Variants in MTR observed in about 807,000 individuals in gnomAD.
MTR encodes methionine synthase.
In MTR, 84 loss-of-function variants were observed where a neutral mutation model predicts 154.8. The ratio of observed to expected loss-of-function variants is 0.54; its 90% confidence interval spans 0.45 to 0.65. The LOEUF is 0.65. MTR is among the 30% of genes least tolerant of loss of function. The probability of loss-of-function intolerance (pLI) is 0.00; values close to 1 mark genes in which losing one functional copy is unlikely to be tolerated. For synonymous variants in MTR, 554 were observed against 553.9 expected, an observed-to-expected ratio of 1.00 and a Z score of 0.00; for missense variants, 1,275 against 1,570.2, an observed-to-expected ratio of 0.81 and a Z score of 3.18.
At chr1:236,897,308 A>ATGCGCGCGCGCGCACGCGCGCG (rs57608445) in intron 32 of MTR, among the ~76,000 whole-genome samples, 190 bp downstream of exon 32, 5 of 131,452 alleles carry the variant, frequency 3.8e-5, no homozygotes, top group African/African-American at 1.5e-4. Context: ...AGCCACACAC[A>ATGCGCGCGCGCGCACGCGCGCG]CGCACACACA....
chr1:236,828,337 T>C (rs1662418289), intron 11 of MTR, among the ~76,000 whole-genome samples: 1 of 152,360 alleles, frequency 6.6e-6, no homozygotes, highest in Admixed American at 6.5e-5. Flanking sequence ...TAGTTAAATA[T>C]TGCTTATCTT....
At chr1:236,882,891 G>C (rs1665827481) in intron 25 of MTR, among the ~76,000 whole-genome samples, 1 of 152,234 alleles carries the variant, frequency 6.6e-6, no homozygotes, top group African/African-American at 2.4e-5. Context: ...GTGGGTAACT[G>C]CTGGTGACAC....
chr1:236,897,310 G>GCGCGCGCGCGCGCGCGCACACACACA lies in MTR; in HGVS notation c.3711+193_3711+194insGCGCGCGCGCGCGCGCACACACACAC. Among the ~76,000 whole-genome samples the GCGCGCGCGCGCGCGCGCACACACACA allele has an allele frequency of 2.7e-3, 343 of 128,650 alleles. 1 individual carries two copies. Among genetic ancestry groups the GCGCGCGCGCGCGCGCGCACACACACA allele is most frequent in the Non-Finnish European group, 4.4e-3 (254 of 58,130 alleles). 84.4% of individuals were successfully genotyped at this position (128,650 alleles called of 152,430 possible). A position where few individuals can be genotyped will look rare whatever the true frequency, so the allele number is the denominator to read the frequency against. On this transcript the variant is annotated intron_variant, in intron 32 of 32. Coordinates refer to ENST00000366577, the MANE Select transcript of MTR (RefSeq NM_000254.3). ...ACTTCTACATGCAAGCCACACACACGCACACACACACACACACACACACAC... is the reference window on the plus strand; with the variant it reads ...ACTTCTACATGCAAGCCACACACACGCGCGCGCGCGCGCGCGCACACACACACACACACACACACACACACACACAC...
intron 11 of MTR, 48 bp from the exon 12 acceptor site, chr1:236,829,141 A>T (rs1662463814): frequency 7.2e-7 from 1 of 1,386,986 alleles, no homozygotes; most frequent in Non-Finnish European, 1.0e-6. Context: ...TTCATTAAAT[A>T]TATTTTATTC....
rs569226850 is a variant in MTR at position 236,832,849 on chromosome 1, T to C, written c.1188+771T>C. ...CATGGACCTGTTCATTATTACCTGATGGCATCCCTGGAGGCGTGTCTTCCT... is the reference window on the plus strand; with the variant it reads ...CATGGACCTGTTCATTATTACCTGACGGCATCCCTGGAGGCGTGTCTTCCT... On this transcript the variant is annotated intron_variant, in intron 13 of 32. Coordinates refer to ENST00000366577, the MANE Select transcript of MTR (RefSeq NM_000254.3). Among the ~76,000 whole-genome samples, 10 of 152,340 alleles carry C rather than the reference T, an allele frequency of 6.6e-5. 1 individual carries two copies. In the South Asian group the frequency reaches 2.1e-3, roughly 32 times the overall value.
intron 32 of MTR, 86 bp downstream of exon 32, chr1:236,897,204 A>C: frequency 9.5e-7 from 1 of 1,051,420 alleles, no homozygotes; most frequent in Non-Finnish European, 1.5e-6. Flanking sequence ...AATGAGAATA[A>C]AGTGAGGGGA....
At chr1:236,826,966 T>C in intron 11 of MTR, 70 bp downstream of exon 11, 1 of 1,391,130 alleles carries the variant, frequency 7.2e-7, no homozygotes, top group Non-Finnish European at 1.0e-6. Flanking sequence ...AATATGTACT[T>C]TTTGTTATGG....
rs1666298629 is a variant in MTR at position 236,891,189 on chromosome 1, A to T, written c.3064A>T (p.Ser1022Cys). The change falls in exon 29 of 33, where the codon AGT becomes TGT. Residue 1022 changes from serine to cysteine, a missense_variant. Coordinates refer to ENST00000366577, the MANE Select transcript of MTR (RefSeq NM_000254.3). ...CCACAATATGCTGAACACACTGATT[A>T]GTCAAAAGAAACTCCGGGCCCGGGG... The part of the protein sequence containing the change: ...DAHNMLNTLI[S>C]QKKLRARGVV... 1.2e-6 allele frequency: 2 copies of T among 1,614,106 alleles called. No individual in the cohort carries two copies. The highest frequency in any genetic ancestry group is 3.3e-5 in the Admixed American group (2 of 60,012).
intron 2 of MTR, among the ~76,000 whole-genome samples, chr1:236,804,796 G>A (rs954972121): frequency 6.6e-6 from 1 of 151,836 alleles, no homozygotes; most frequent in Non-Finnish European, 1.5e-5. Context: ...CCTTTGTTAG[G>A]CATTTTCATA....
At chr1:236,844,549 G>GGA (rs1175328128) in intron 15 of MTR, among the ~76,000 whole-genome samples, 2 of 151,214 alleles carry the variant, frequency 1.3e-5, no homozygotes, top group Admixed American at 6.6e-5. Flanking sequence ...GAATGATCTG[G>GGA]GAGAGAGAGG....
At chr1:236,816,577 T>A (rs745712705) in intron 8 of MTR, 34 bp downstream of exon 8, 14 of 1,581,158 alleles carry the variant, frequency 8.9e-6, no homozygotes, top group Non-Finnish European at 1.2e-5. Flanking sequence ...CTTCTTTTCT[T>A]TTTTGGGGAA....
chr1:236,846,869 TG>T (rs1336385138), intron 15 of MTR, among the ~76,000 whole-genome samples: 1 of 152,150 alleles, frequency 6.6e-6, no homozygotes, highest in African/African-American at 2.4e-5. Flanking sequence ...CCATCACTTC[TG>T]TTTTTTTTGT....
intron 15 of MTR, among the ~76,000 whole-genome samples, chr1:236,842,092 C>G (rs58600988): frequency 0.35 from 53,109 of 152,006 alleles, 10,110 homozygotes; most frequent in East Asian, 0.43. Context: ...GGGGTTTCAC[C>G]GTGTCAGCCA....
chr1:236,846,574 A>G (rs1032417248), intron 15 of MTR, among the ~76,000 whole-genome samples: 2 of 152,214 alleles, frequency 1.3e-5, no homozygotes, highest in African/African-American at 4.8e-5. Context: ...GGAAAATAAC[A>G]AGGAATTGGT....
At chr1:236,894,320 G>A (rs1198490204) in intron 29 of MTR, 37 bp from the exon 30 acceptor site, 9 of 1,608,088 alleles carry the variant, frequency 5.6e-6, no homozygotes, top group South Asian at 5.5e-5. Flanking sequence ...TCTTGCTAAC[G>A]GCGCCCCCGC....
intron 30 of MTR, 162 bp from the exon 31 acceptor site, chr1:236,895,196 A>T: frequency 1.2e-6 from 1 of 838,620 alleles, no homozygotes; most frequent in South Asian, 1.6e-5. Flanking sequence ...TGAAAGTACA[A>T]ACCAATCAAG....
chr1:236,889,404 G>A (rs1347932989), intron 28 of MTR, 68 bp downstream of exon 28: 121 of 1,596,854 alleles, frequency 7.6e-5, no homozygotes, highest in Admixed American at 6.2e-4. Flanking sequence ...TTTGAAGACC[G>A]GAATCGGTGA....
At chr1:236,821,976 G>A (rs1178763003) in intron 8 of MTR, among the ~76,000 whole-genome samples, 6 of 152,142 alleles carry the variant, frequency 3.9e-5, no homozygotes, top group Admixed American at 2.6e-4. Flanking sequence ...GTAAGTCTTG[G>A]AGTTGGGTAG....
At chr1:236,871,796 A>G (rs1167789290) in intron 22 of MTR, among the ~76,000 whole-genome samples, 2 of 152,166 alleles carry the variant, frequency 1.3e-5, no homozygotes, top group Non-Finnish European at 2.9e-5. Flanking sequence ...ATTGATTTGA[A>G]GTTGTCTTAC....
Sources: gnomAD v4.1 joint callset for allele counts (sites outside exome capture counted in the v4.1 genomes callset) on GRCh38, gnomAD v4.1.1 for gene constraint, MANE v1.5 for transcripts, NCBI Gene and HGNC (gene_info 2026-07-23, HGNC 2026-07-21) for gene names.